The following IPO11 variants were observed in gnomAD, a reference collection of about 807,000 sequenced individuals.
The protein encoded by IPO11 is importin 11, also known as importin-11.
IPO11 carries 66 observed loss-of-function variants against 143.2 expected under a neutral mutation model. That is an observed-to-expected ratio of 0.46 (90% CI 0.38 to 0.57). IPO11 has a LOEUF of 0.57. Ranked by LOEUF, IPO11 falls within the 20% of genes least tolerant of loss-of-function variation. The pLI is 0.00. For synonymous variants in IPO11, 385 were observed against 377.8 expected, an observed-to-expected ratio of 1.02 and a Z score of -0.22; for missense variants, 1,026 against 1,141.0, an observed-to-expected ratio of 0.90 and a Z score of 1.45.
chr5:62,499,334 A>T (rs781490067), intron 16 of IPO11, among the ~76,000 whole-genome samples: 3 of 152,218 alleles, frequency 2.0e-5, no homozygotes, highest in Non-Finnish European at 4.4e-5. Context: ...TACAGTAAGA[A>T]TATAATATAA....
intron 1 of IPO11, among the ~76,000 whole-genome samples, chr5:62,430,287 C>T (rs1447412265): frequency 6.6e-6 from 1 of 152,154 alleles, no homozygotes; most frequent in Admixed American, 6.5e-5. Flanking sequence ...TACATTTGCA[C>T]CAGCAATGCA....
intron 12 of IPO11, among the ~76,000 whole-genome samples, chr5:62,486,226 C>T (rs553698570): frequency 1.1e-4 from 16 of 151,984 alleles, no homozygotes; most frequent in Non-Finnish European, 1.9e-4. Context: ...GTGAGCCACC[C>T]GCCTCGGCCT....
chr5:62,592,056 G>T (rs556813215), intron 28 of IPO11, among the ~76,000 whole-genome samples: 127 of 152,156 alleles, frequency 8.3e-4, no homozygotes, highest in Middle Eastern at 3.4e-3. Flanking sequence ...CTCCATGTTG[G>T]TCAGGGTGGT....
At chr5:62,536,227 A>G (rs1306165859) in intron 22 of IPO11, among the ~76,000 whole-genome samples, 1 of 152,190 alleles carries the variant, frequency 6.6e-6, no homozygotes, top group Non-Finnish European at 1.5e-5. Context: ...TATGATGGTA[A>G]AATGATTCAG....
intron 29 of IPO11, among the ~76,000 whole-genome samples, chr5:62,623,080 T>C (rs1455637094): frequency 6.6e-6 from 1 of 152,234 alleles, no homozygotes; most frequent in Admixed American, 6.5e-5. Context: ...CAACAGATCT[T>C]AGAAACTTAG....
At chr5:62,460,554 T>G (rs547861622) in intron 5 of IPO11, among the ~76,000 whole-genome samples, 10 of 152,352 alleles carry the variant, frequency 6.6e-5, no homozygotes, top group African/African-American at 1.7e-4. Flanking sequence ...AGACAACAAT[T>G]CTGAGGCTAA....
intron 27 of IPO11, among the ~76,000 whole-genome samples, chr5:62,588,843 C>T (rs1217768660): frequency 6.6e-6 from 1 of 152,232 alleles, no homozygotes; most frequent in East Asian, 1.9e-4. Context: ...TTGGACCTCA[C>T]TGCCATTGAG....
intron 3 of IPO11, among the ~76,000 whole-genome samples, chr5:62,446,947 A>G (rs2112152695): frequency 6.6e-6 from 1 of 151,892 alleles, no homozygotes; most frequent in East Asian, 1.9e-4. Flanking sequence ...AGCCTGGGCA[A>G]CAGAGCGAGA....
At chr5:62,455,881 T>C (rs1428297750) in intron 5 of IPO11, among the ~76,000 whole-genome samples, 2 of 152,110 alleles carry the variant, frequency 1.3e-5, no homozygotes, top group East Asian at 1.9e-4. Context: ...TGCGCCACCA[T>C]GCCCAGCTAA....
intron 27 of IPO11, among the ~76,000 whole-genome samples, chr5:62,587,206 A>G (rs571479322): frequency 6.6e-6 from 1 of 152,226 alleles, no homozygotes; most frequent in East Asian, 1.9e-4. Context: ...CACTCAAAAA[A>G]TGAAAAGACA....
intron 16 of IPO11, among the ~76,000 whole-genome samples, chr5:62,502,289 T>TA (rs1561337654): frequency 6.6e-6 from 1 of 152,196 alleles, no homozygotes; most frequent in Non-Finnish European, 1.5e-5. Context: ...AGAAATGTGT[T>TA]AGACTTTTCT....
chr5:62,572,383 T>C (rs542884290), intron 27 of IPO11, among the ~76,000 whole-genome samples: 16 of 152,284 alleles, frequency 1.1e-4, no homozygotes, highest in African/African-American at 3.9e-4. Flanking sequence ...CTCCACTGCA[T>C]TATAGATACT....
At chr5:62,593,135 C>G (rs1004799623) in intron 28 of IPO11, among the ~76,000 whole-genome samples, 6 of 151,812 alleles carry the variant, frequency 4.0e-5, no homozygotes, top group African/African-American at 1.2e-4. Flanking sequence ...TTGTGCAGGG[C>G]ACACCAAACA....
At chr5:62,489,427 T>C in intron 14 of IPO11, 78 bp downstream of exon 14, 1 of 1,000,958 alleles carries the variant, frequency 1.0e-6, no homozygotes, top group Non-Finnish European at 1.5e-6. Flanking sequence ...GATTTTGTGC[T>C]GAGGGTGTTG....
At chr5:62,469,035 C>G (rs1258346659) in intron 6 of IPO11, among the ~76,000 whole-genome samples, 1 of 152,054 alleles carries the variant, frequency 6.6e-6, no homozygotes, top group Non-Finnish European at 1.5e-5. Flanking sequence ...TAAAGTGACA[C>G]CTGTGACAGA....
In IPO11 at chr5:62,456,299, G is replaced by A. The variant is rs201063826; in HGVS notation, c.516+4366G>A. Among the ~76,000 whole-genome samples, 7 of 152,132 alleles carry A rather than the reference G, an allele frequency of 4.6e-5. No homozygotes were observed. In the East Asian group the frequency reaches 9.6e-4, roughly 21 times the overall value. ...ATCACAGGCGTGAGCCACCATGCTCGGCCAGGAATTCATTTTCTGTAAAAC... is the reference window on the plus strand; with the variant it reads ...ATCACAGGCGTGAGCCACCATGCTCAGCCAGGAATTCATTTTCTGTAAAAC... On this transcript the variant is annotated intron_variant, in intron 5 of 29. Transcript: ENST00000325324.
Position 62,544,944 on chromosome 5 carries a change from A to G in IPO11, c.2251-5423A>G, listed in dbSNP as rs1743106180. ...TACAAACCACTGCTCAACGAAATAA[A>G]AGAGGACACAAACAAATGGAAGAAC... On this transcript the variant is annotated intron_variant, in intron 24 of 29. Coordinates refer to ENST00000325324, the MANE Select transcript of IPO11 (RefSeq NM_016338.5). 3.3e-5 allele frequency among the ~76,000 whole-genome samples: 5 copies of G among 152,284 alleles called. No homozygotes were observed. In the South Asian group the frequency reaches 1.0e-3, roughly 32 times the overall value.
At chr5:62,418,419 T>C (rs557604928) in intron 1 of IPO11, among the ~76,000 whole-genome samples, 17 of 152,224 alleles carry the variant, frequency 1.1e-4, no homozygotes, top group African/African-American at 3.9e-4. Flanking sequence ...TTCTAAAGTA[T>C]TGGGATTACA....
At chr5:62,502,050 G>T (rs760319293) in intron 16 of IPO11, among the ~76,000 whole-genome samples, 12 of 152,170 alleles carry the variant, frequency 7.9e-5, no homozygotes, top group Non-Finnish European at 1.5e-4. Flanking sequence ...CATTCGTTGT[G>T]ACATCTGCAC....
Sources: allele counts gnomAD v4.1 joint callset (sites outside exome capture counted in the v4.1 genomes callset), GRCh38; gene constraint gnomAD v4.1.1; transcripts MANE v1.5; gene names NCBI Gene and HGNC (gene_info 2026-07-23, HGNC 2026-07-21).